Variants in MYT1L observed in about 807,000 individuals in gnomAD.
MYT1L encodes the protein myelin transcription factor 1-like protein.
MYT1L carries 12 observed loss-of-function variants against 126.7 expected under a neutral mutation model. The observed-to-expected ratio is 0.09, with a 90% CI of 0.06 to 0.15. MYT1L has a LOEUF of 0.15. Ranked by LOEUF, MYT1L falls within the 10% of genes least tolerant of loss-of-function variation. MYT1L has a pLI of 1.00. For missense variants in MYT1L, 979 were observed against 1,585.2 expected, an observed-to-expected ratio of 0.62 and a Z score of 6.49; for synonymous variants, 541 against 604.2, an observed-to-expected ratio of 0.90 and a Z score of 1.53.
chr2:1,838,569 C>T (rs1483691816), intron 21 of MYT1L, among the ~76,000 whole-genome samples: 1 of 152,170 alleles, frequency 6.6e-6, no homozygotes, highest in Non-Finnish European at 1.5e-5. Flanking sequence ...GCCTTGGAGA[C>T]GGGTCCCATC....
At chr2:1,991,202 C>T (rs569952759) in intron 5 of MYT1L, among the ~76,000 whole-genome samples, 1 of 152,320 alleles carries the variant, frequency 6.6e-6, no homozygotes, top group African/African-American at 2.4e-5. Flanking sequence ...TGCCAGGAAT[C>T]GTGGCCCCAA....
At chr2:2,002,924 C>T (rs2062545358) in intron 4 of MYT1L, among the ~76,000 whole-genome samples, 1 of 152,094 alleles carries the variant, frequency 6.6e-6, no homozygotes. Flanking sequence ...TCCTTCTTTA[C>T]CTTCTGCCAG....
chr2:2,212,550 C>T (rs1033188649), intron 2 of MYT1L, among the ~76,000 whole-genome samples: 1 of 152,070 alleles, frequency 6.6e-6, no homozygotes, highest in African/African-American at 2.4e-5. Context: ...CCCATAAATG[C>T]TCTGCTGTAT....
chr2:2,119,579 C>A (rs1199365338), intron 3 of MYT1L, among the ~76,000 whole-genome samples: 1 of 152,184 alleles, frequency 6.6e-6, no homozygotes. Context: ...ATCTTAAAAC[C>A]TGGAGTAGGA....
At chr2:2,186,473 TAGGG>T (rs1339059775) in intron 2 of MYT1L, among the ~76,000 whole-genome samples, 1 of 152,210 alleles carries the variant, frequency 6.6e-6, no homozygotes, top group Admixed American at 6.5e-5. Flanking sequence ...GAACAGATAA[TAGGG>T]AGAATCTCAT....
intron 4 of MYT1L, among the ~76,000 whole-genome samples, chr2:2,001,510 A>T (rs2062395423): frequency 6.6e-6 from 1 of 152,218 alleles, no homozygotes; most frequent in South Asian, 2.1e-4. Context: ...TAATAGAGTG[A>T]AGAAATAAAG....
At chr2:2,153,336 G>A (rs181369930) in intron 3 of MYT1L, among the ~76,000 whole-genome samples, 2 of 152,346 alleles carry the variant, frequency 1.3e-5, no homozygotes, top group Admixed American at 6.5e-5. Context: ...CTCAGGTGCT[G>A]CATTTGAGAT....
rs529330426 is a variant in MYT1L, at chr2:2,180,980, G to A, written c.-420-7992C>T. ...TGCACCTGTAACCGTACCTGTGTGT[G>A]TACCTGTGTGTGCTTGTGTATGTAC... On this transcript the variant is annotated intron_variant, in intron 2 of 24. Coordinates refer to ENST00000647738, the MANE Select transcript of MYT1L (RefSeq NM_001303052.2). 1.1e-3 allele frequency among the ~76,000 whole-genome samples: 154 copies of A among 145,814 alleles called. 9 individuals are homozygous for A. Among genetic ancestry groups the A allele is most frequent in the African/African-American group, 3.8e-3 (144 of 38,212 alleles).
intron 8 of MYT1L, among the ~76,000 whole-genome samples, chr2:1,944,555 A>AG (rs979531047): frequency 7.2e-5 from 11 of 151,970 alleles, no homozygotes; most frequent in Admixed American, 6.6e-4. Context: ...ATTATTCTGC[A>AG]GGGGGGCTCC....
intron 21 of MYT1L, chr2:1,809,972 G>A (rs188252550): frequency 4.6e-5 from 7 of 152,264 alleles, no homozygotes; most frequent in Admixed American, 4.6e-4. Context: ...GCAGTCCCGT[G>A]CCTCGGCTTC....
intron 3 of MYT1L, among the ~76,000 whole-genome samples, chr2:2,125,176 C>T (rs1326436158): frequency 6.6e-6 from 1 of 152,182 alleles, no homozygotes; most frequent in Admixed American, 6.5e-5. Flanking sequence ...GGCAGTTCGA[C>T]ACCTTGGTGT....
In MYT1L at chr2:1,839,750, C is replaced by T. The variant is rs1426221921; in HGVS notation, c.2859-380G>A. On this transcript the variant is annotated intron_variant, in intron 20 of 24. Transcript: ENST00000647738. ...GGCTTTTCAGGTGGAAAAAATGCAA[C>T]GTCAATAAGATGTCGTGGCATTATT... is the stretch of plus-strand genomic sequence containing the variant. 2.0e-5 allele frequency among the ~76,000 whole-genome samples: 3 copies of T among 152,208 alleles called. No homozygotes were observed. The East Asian group carries it at 5.8e-4, about 29-fold the overall frequency.
At position 2,068,779 on chromosome 2, in the gene MYT1L, T is replaced by G. The variant is rs1172915824; in HGVS notation, c.-303-14656A>C. Among the ~76,000 whole-genome samples the G allele has an allele frequency of 2.9e-3, 397 of 138,820 alleles. 6 individuals are homozygous for G. The highest frequency in any genetic ancestry group is 1.0e-2 in the African/African-American group (375 of 37,624). The allele number at this position is 138,820 out of a possible 152,430, so 91.1% of individuals were successfully genotyped here. On this transcript the variant is annotated intron_variant, in intron 3 of 24. Transcript: ENST00000647738. ...ACCTGTGTTCTTCTTGTTTTTTTTTTTTTTTTTTTTTTTTTTTTTCATATG... is the reference window on the plus strand; with the variant it reads ...ACCTGTGTTCTTCTTGTTTTTTTTTGTTTTTTTTTTTTTTTTTTTCATATG...
intron 8 of MYT1L, among the ~76,000 whole-genome samples, chr2:1,950,597 A>G (rs2057659787): frequency 6.6e-6 from 1 of 152,108 alleles, no homozygotes. Context: ...CAGGGGACCA[A>G]GATGGATGTG....
intron 9 of MYT1L, among the ~76,000 whole-genome samples, chr2:1,934,410 G>A (rs556455453): frequency 1.3e-5 from 2 of 151,654 alleles, no homozygotes; most frequent in Non-Finnish European, 2.9e-5. Context: ...GCGCTTTCAT[G>A]TTCTTGTGTG....
intron 4 of MYT1L, among the ~76,000 whole-genome samples, chr2:2,023,636 TC>T (rs1340805225): frequency 6.6e-6 from 1 of 151,546 alleles, no homozygotes; most frequent in Non-Finnish European, 1.5e-5. Context: ...TTTTTTTTTT[TC>T]AAACAACATA....
At chr2:2,328,595 C>T (rs575551046) in intron 1 of MYT1L, among the ~76,000 whole-genome samples, 1 of 152,302 alleles carries the variant, frequency 6.6e-6, no homozygotes, top group South Asian at 2.1e-4. Flanking sequence ...GCAAGTTTAA[C>T]TCAAGAGAAG....
chr2:2,050,905 A>C (rs2068751228), intron 4 of MYT1L, among the ~76,000 whole-genome samples: 1 of 152,158 alleles, frequency 6.6e-6, no homozygotes, highest in Admixed American at 6.5e-5. Context: ...CAAACTGCAC[A>C]ACAGCTACTA....
chr2:2,261,905 A>G (rs185067001), intron 2 of MYT1L, among the ~76,000 whole-genome samples: 1 of 152,346 alleles, frequency 6.6e-6, no homozygotes, highest in Non-Finnish European at 1.5e-5. Context: ...TAAAAAATAC[A>G]CAGGGAAACA....
Sources: gnomAD v4.1 joint callset for allele counts (sites outside exome capture counted in the v4.1 genomes callset) on GRCh38, gnomAD v4.1.1 for gene constraint, MANE v1.5 for transcripts, NCBI Gene and HGNC (gene_info 2026-07-23, HGNC 2026-07-21) for gene names.